Variants in CFAP36 observed in about 807,000 individuals in gnomAD.
The protein encoded by CFAP36 is cilia and flagella associated protein 36, also known as cilia- and flagella-associated protein 36.
Under a neutral mutation model 50.5 loss-of-function variants are expected in CFAP36, and 37 were observed. The observed-to-expected ratio is 0.73, with a 90% CI of 0.56 to 0.96. CFAP36 has a LOEUF of 0.96. CFAP36 is among the 50% of genes least tolerant of loss of function. The pLI is 0.00. For missense variants in CFAP36, 407 were observed against 396.2 expected, an observed-to-expected ratio of 1.03 and a Z score of -0.23; for synonymous variants, 138 against 128.2, an observed-to-expected ratio of 1.08 and a Z score of -0.52.
intron 4 of CFAP36, 38 bp downstream of exon 4, chr2:55,529,030 ATT>A: frequency 7.3e-7 from 1 of 1,376,658 alleles, no homozygotes; most frequent in South Asian, 1.3e-5. Context: ...TACTAAATGC[ATT>A]TTTTTTTACA....
chr2:55,520,502 T>A (rs1574609204), intron 1 of CFAP36: 1 of 1,523,790 alleles, frequency 6.6e-7, no homozygotes, highest in Non-Finnish European at 8.8e-7. Context: ...CTCTTCGCTA[T>A]ACCAAAAATT....
At chr2:55,524,959 C>T (rs1684166805) in intron 3 of CFAP36, among the ~76,000 whole-genome samples, 1 of 148,100 alleles carries the variant, frequency 6.8e-6, no homozygotes, top group African/African-American at 2.5e-5. Flanking sequence ...CCAGCCTGGG[C>T]AACAAGAACA....
intron 2 of CFAP36, 152 bp downstream of exon 2, chr2:55,522,318 A>C: frequency 1.9e-6 from 1 of 526,858 alleles, no homozygotes; most frequent in Non-Finnish European, 3.4e-6. Context: ...ATCTGTCTCC[A>C]CAGGTGCTCT....
chr2:55,525,438 C>A (rs1684181205), intron 3 of CFAP36, among the ~76,000 whole-genome samples: 1 of 152,110 alleles, frequency 6.6e-6, no homozygotes, highest in Non-Finnish European at 1.5e-5. Context: ...GCCTGGGCAA[C>A]AGATTAGGAC....
intron 7 of CFAP36, among the ~76,000 whole-genome samples, chr2:55,540,562 T>C (rs1684610495): frequency 6.6e-6 from 1 of 152,250 alleles, no homozygotes; most frequent in South Asian, 2.1e-4. Flanking sequence ...AATATTGTGT[T>C]GGCTATTCTG....
intron 7 of CFAP36, chr2:55,539,014 TC>T: frequency 1.8e-6 from 2 of 1,093,892 alleles, no homozygotes; most frequent in Non-Finnish European, 2.4e-6. Flanking sequence ...TACAGAGATT[TC>T]CCCCATATAG....
intron 7 of CFAP36, among the ~76,000 whole-genome samples, chr2:55,542,418 TGAA>T (rs1684660624): frequency 1.3e-5 from 2 of 152,224 alleles, no homozygotes; most frequent in South Asian, 4.1e-4. Flanking sequence ...GGAAGAATCA[TGAA>T]GTTGTTTGAG....
At chr2:55,526,103 A>T (rs1558907911) in intron 3 of CFAP36, among the ~76,000 whole-genome samples, 1 of 152,240 alleles carries the variant, frequency 6.6e-6, no homozygotes, top group Non-Finnish European at 1.5e-5. Flanking sequence ...GCTTATTCTA[A>T]AGTCAGACCA....
intron 6 of CFAP36, 108 bp from the exon 7 acceptor site, chr2:55,537,375 G>GAA: frequency 6.7e-5 from 47 of 704,116 alleles, no homozygotes; most frequent in East Asian, 9.4e-5. Flanking sequence ...TGTCTCAAAA[G>GAA]AAAAAAAAAA....
At chr2:55,520,175 G>GC (rs1254565098) in intron 1 of CFAP36, among the ~76,000 whole-genome samples, 2 of 152,156 alleles carry the variant, frequency 1.3e-5, no homozygotes, top group Non-Finnish European at 2.9e-5. Context: ...CTTCTCTGGG[G>GC]CCGAAGCGCA....
chr2:55,520,346 C>A, intron 1 of CFAP36: 4 of 1,412,156 alleles, frequency 2.8e-6, no homozygotes, highest in Non-Finnish European at 2.9e-6. Context: ...TGATCCCTAG[C>A]ATTTCGCCCG....
chr2:55,542,143 A>T (rs990878874), intron 7 of CFAP36, among the ~76,000 whole-genome samples: 1 of 152,218 alleles, frequency 6.6e-6, no homozygotes, highest in Non-Finnish European at 1.5e-5. Context: ...ATATACACCT[A>T]AGTACATACA....
At chr2:55,533,997 TTAA>T (rs764172893) in intron 5 of CFAP36, 37 bp downstream of exon 5, 26 of 1,250,454 alleles carry the variant, frequency 2.1e-5, no homozygotes, top group African/African-American at 6.0e-5. Context: ...TGAATCATTA[TTAA>T]TATTATATGA....
intron 3 of CFAP36, among the ~76,000 whole-genome samples, chr2:55,526,620 T>C (rs1332480000): frequency 6.6e-6 from 1 of 152,144 alleles, no homozygotes; most frequent in African/African-American, 2.4e-5. Flanking sequence ...TTTTCAGTTG[T>C]TTTGTAGAGA....
Position 55,519,858 on chromosome 2 carries a change from C to A in CFAP36, c.57C>A (p.Phe19Leu). ...GGGTAGTGGAGAGCATCGCGGGGTT[C>A]CTGCGAGGCCCAGACTGGTCCATCC... ...VEWVVESIAG[F>L]LRGPDWSIPI... The change falls in exon 1 of 10, where the codon TTC becomes TTA. Residue 19 changes from phenylalanine to leucine, a missense_variant. Coordinates refer to ENST00000349456, the MANE Select transcript of CFAP36 (RefSeq NM_080667.7). The A allele has an allele frequency of 6.2e-7, 1 of 1,614,232 alleles. No homozygotes were observed. The highest frequency in any genetic ancestry group is 2.2e-5 in the East Asian group (1 of 44,880).
At chr2:55,532,697 A>T (rs1164569298) in intron 4 of CFAP36, among the ~76,000 whole-genome samples, 1 of 152,230 alleles carries the variant, frequency 6.6e-6, no homozygotes. Context: ...CATTTAATTT[A>T]AAAAAATGTA....
chr2:55,519,880 A>C lies in CFAP36; in HGVS notation c.79A>C (p.Ile27Leu), dbSNP rs1275629385. 5 of 1,614,126 alleles carry C rather than the reference A, an allele frequency of 3.1e-6. No homozygotes were observed. In the African/African-American group the frequency reaches 6.7e-5, roughly 22 times the overall value. ...AGFLRGPDWSIPILDFVEQKC... is the reference protein window; with the variant it reads ...AGFLRGPDWSLPILDFVEQKC... ...GTTCCTGCGAGGCCCAGACTGGTCC[A>C]TCCCCATCTTGGACTTTGTGGAACA... is the stretch of plus-strand genomic sequence containing the variant. The change falls in exon 1 of 10, where the codon ATC (isoleucine) becomes CTC (leucine). Residue 27 changes from isoleucine (I) to leucine (L), a missense_variant. By Grantham distance (5) the Ile-to-Leu change is conservative (BLOSUM62 2). Transcript: ENST00000349456.
intron 3 of CFAP36, among the ~76,000 whole-genome samples, chr2:55,526,576 G>T (rs1209053059): frequency 6.6e-6 from 1 of 152,166 alleles, no homozygotes; most frequent in Non-Finnish European, 1.5e-5. Context: ...TGAGTAGCTA[G>T]GACTATAGGT....
chr2:55,538,021 C>T (rs1167416340), intron 7 of CFAP36, among the ~76,000 whole-genome samples: 1 of 152,134 alleles, frequency 6.6e-6, no homozygotes, highest in Non-Finnish European at 1.5e-5. Context: ...CCATTTTGTC[C>T]AGATATTTGG....
Sources: gnomAD v4.1 joint callset for allele counts (sites outside exome capture counted in the v4.1 genomes callset) on GRCh38, gnomAD v4.1.1 for gene constraint, MANE v1.5 for transcripts, NCBI Gene and HGNC (gene_info 2026-07-23, HGNC 2026-07-21) for gene names.